RHOBTB2: variants seen among roughly 807,000 people sequenced by gnomAD.
RHOBTB2 encodes Rho related BTB domain containing 2.
A neutral mutation model predicts 66.5 loss-of-function variants in RHOBTB2; 39 were observed. The ratio of observed to expected loss-of-function variants is 0.59; its 90% CI spans 0.45 to 0.77. The LOEUF is 0.77. Among genes scored for constraint, RHOBTB2 ranks in the 30% least tolerant of loss-of-function variants. RHOBTB2 has a pLI of 0.00. For synonymous variants in RHOBTB2, 390 were observed against 395.0 expected, an observed-to-expected ratio of 0.99 and a Z score of 0.15; for missense variants, 755 against 999.1, an observed-to-expected ratio of 0.76 and a Z score of 3.29.
intron 6 of RHOBTB2, 127 bp from the exon 7 acceptor site, chr8:23,010,411 C>G (rs78939013): frequency 1.9e-6 from 2 of 1,064,922 alleles, no homozygotes; most frequent in Admixed American, 4.8e-5. Flanking sequence ...ACACATGCAG[C>G]ACAGGGAAGG....
At chr8:22,988,159 T>A (rs1271322092) in intron 1 of RHOBTB2, among the ~76,000 whole-genome samples, 4 of 141,322 alleles carry the variant, frequency 2.8e-5, no homozygotes, top group Non-Finnish European at 4.6e-5. Flanking sequence ...TCCCCTTTTT[T>A]TTTTTTTTTT....
chr8:23,010,512 T>C (rs1212044651), intron 6 of RHOBTB2, 26 bp from the exon 7 acceptor site: 2 of 1,604,126 alleles, frequency 1.2e-6, no homozygotes, highest in Middle Eastern at 1.7e-4. Context: ...ATCTCATTGC[T>C]GTCCGCTCAC....
chr8:23,015,708 G>C lies in RHOBTB2; in HGVS notation c.1931G>C (p.Arg644Pro). Residue 644 changes from arginine to proline, a missense_variant, in exon 9 of 10, where the codon CGC (arginine) becomes CCC (proline). This residue lies in a region of RHOBTB2 where 353 missense variants were observed against 458.2 expected (regional missense o/e 0.77). Transcript: ENST00000251822. The part of the protein sequence containing the change: ...HICTNYNNVC[R>P]KFPRDMKAMS... ...TGCACCAACTACAACAACGTGTGCCGCAAGTTCCCCCGAGACATGAAGGCC... is the reference window on the plus strand; with the variant it reads ...TGCACCAACTACAACAACGTGTGCCCCAAGTTCCCCCGAGACATGAAGGCC... 6.2e-7 allele frequency: 1 copy of C among 1,613,756 alleles called. No individual in the cohort carries two copies. The highest frequency in any genetic ancestry group is 8.5e-7 in the Non-Finnish European group (1 of 1,179,754).
chr8:23,007,390 G>A lies in RHOBTB2; in HGVS notation c.1145G>A (p.Arg382Lys), dbSNP rs1811001413. Residue 382 changes from arginine (R) to lysine (K), a missense_variant, in exon 5 of 10, where the codon AGG becomes AAG. Transcript: ENST00000251822. ...AACGGAACAGGGTACCTACCGGGCA[G>A]GGGTCGTGTGCTGTCTTCCTGGAGC... ...RGNGTGYLPG[R>K]GRVLSSWSRA... 1 of 1,614,042 alleles carries A rather than the reference G, an allele frequency of 6.2e-7. No homozygotes were observed. Among genetic ancestry groups the A allele is most frequent in the Non-Finnish European group, 8.5e-7 (1 of 1,180,022 alleles).
In RHOBTB2 at chr8:23,006,457, C is replaced by T. The variant is rs1810952948; in HGVS notation, c.483-271C>T. On this transcript the variant is annotated intron_variant, in intron 4 of 9. Transcript: ENST00000251822. The surrounding 1 kb of genome is among the most constrained non-coding windows in gnomAD (Gnocchi z 6.1). The stretch of plus-strand genomic sequence containing the variant: ...GAGCATGTTAAATACCCATGTGAAG[C>T]ATTGCCTGCTAATTGCCAGAGAGGC... 5.3e-6 allele frequency: 3 copies of T among 565,552 alleles called. No homozygotes were observed. The highest frequency in any genetic ancestry group is 3.2e-5 in the Admixed American group (1 of 31,390). 35.0% of individuals were successfully genotyped at this position (565,552 alleles called of 1,614,324 possible). A position where few individuals can be genotyped will look rare whatever the true frequency, so the allele number is the denominator to read the frequency against.
chr8:22,981,502 C>G, the RHOBTB2 span, among the ~76,000 whole-genome samples: 7 of 152,162 alleles, frequency 4.6e-5, no homozygotes, highest in Admixed American at 4.6e-4. Flanking sequence ...TGTAAGTAGG[C>G]TGGTTTTGAG....
chr8:22,951,333 C>A, the RHOBTB2 span, among the ~76,000 whole-genome samples: 2 of 147,598 alleles, frequency 1.4e-5, no homozygotes, highest in South Asian at 4.3e-4. Flanking sequence ...CTCACTGCAA[C>A]CTTCTTCTCC....
At chr8:23,001,246 G>A (rs1810769952) in intron 1 of RHOBTB2, among the ~76,000 whole-genome samples, 2 of 152,122 alleles carry the variant, frequency 1.3e-5, no homozygotes, top group Non-Finnish European at 2.9e-5. Flanking sequence ...ATAGTTTATG[G>A]AGGTTGATTG....
Position 23,018,185 on chromosome 8 carries a change from A to T in RHOBTB2, c.*716A>T, listed in dbSNP as rs1185702987. ...TGGTGCAACAAGAAACTTCTCCCTC[A>T]CCCCCTCCTTTACCCTCAGATTTGG... On this transcript the variant is annotated 3_prime_UTR_variant, in exon 10 of 10. Transcript: ENST00000251822. 6.6e-6 allele frequency: 1 copy of T among 151,928 alleles called. No individual in the cohort carries two copies. Among genetic ancestry groups the T allele is most frequent in the African/African-American group, 2.4e-5 (1 of 41,246 alleles). 9.4% of individuals were successfully genotyped at this position (151,928 alleles called of 1,614,324 possible). A position where few individuals can be genotyped will look rare whatever the true frequency, so the allele number is the denominator to read the frequency against.
At chr8:23,015,223 G>A (rs1010048109) in intron 8 of RHOBTB2, among the ~76,000 whole-genome samples, 4 of 152,208 alleles carry the variant, frequency 2.6e-5, no homozygotes, top group African/African-American at 9.7e-5. Context: ...CACGGCTCAG[G>A]CAGGGCTTGC....
chr8:22,956,028 G>T, the RHOBTB2 span, among the ~76,000 whole-genome samples: 1 of 152,288 alleles, frequency 6.6e-6, no homozygotes, highest in Non-Finnish European at 1.5e-5. Flanking sequence ...GCTCACCTTT[G>T]GTTTGCCCCT....
upstream of RHOBTB2, among the ~76,000 whole-genome samples, chr8:22,994,924 C>A (rs1369032238): frequency 4.6e-5 from 7 of 152,248 alleles, no homozygotes; most frequent in African/African-American, 1.7e-4. Flanking sequence ...TGCCACCACG[C>A]CCAGCTAATT....
chr8:22,974,698 C>A, the RHOBTB2 span, among the ~76,000 whole-genome samples: 1 of 152,106 alleles, frequency 6.6e-6, no homozygotes, highest in Non-Finnish European at 1.5e-5. Flanking sequence ...CCATCAAGCC[C>A]CTCCACTGGG....
the RHOBTB2 span, among the ~76,000 whole-genome samples, chr8:22,956,904 C>T: frequency 6.6e-6 from 1 of 152,178 alleles, no homozygotes; most frequent in Non-Finnish European, 1.5e-5. Flanking sequence ...AGGTGATCCA[C>T]CCGCCTCGGC....
At chr8:23,015,098 C>A (rs1051630436) in intron 8 of RHOBTB2, among the ~76,000 whole-genome samples, 46 of 152,170 alleles carry the variant, frequency 3.0e-4, no homozygotes, top group African/African-American at 1.1e-3. Flanking sequence ...TGAGGACTTT[C>A]CATCTGAAAT....
Position 23,006,008 on chromosome 8 carries a change from C to T in RHOBTB2, c.345C>T (p.Leu115=), listed in dbSNP as rs1165413903. The change falls in exon 4 of 10, where the codon CTC becomes CTT. Residue 115 remains leucine (L), a synonymous_variant. Coordinates refer to ENST00000251822, the MANE Select transcript of RHOBTB2 (RefSeq NM_015178.3). The surrounding 1 kb of genome is among the most constrained non-coding windows in gnomAD (Gnocchi z 6.1). ...TCTCCATTGCCAACCCCAATTCCCT[C>T]CACCATGTCAAGACCATGTGGTACC... ...LCFSIANPNS[L]HHVKTMWYPE... is the part of the protein sequence containing the mutation. 6.2e-7 allele frequency: 1 copy of T among 1,613,992 alleles called. No individual in the cohort carries two copies. Among genetic ancestry groups the T allele is most frequent in the Admixed American group, 1.7e-5 (1 of 59,998 alleles).
chr8:23,011,082 C>T (rs1006300900), intron 7 of RHOBTB2, among the ~76,000 whole-genome samples: 2 of 152,108 alleles, frequency 1.3e-5, no homozygotes, highest in African/African-American at 4.8e-5. Context: ...CCATGAAACC[C>T]GTCTCTACTA....
At chr8:22,972,992 A>T in the RHOBTB2 span, among the ~76,000 whole-genome samples, 6 of 152,146 alleles carry the variant, frequency 3.9e-5, no homozygotes, top group Non-Finnish European at 5.9e-5. Flanking sequence ...GCACAGGCAT[A>T]GCCTCCCTTG....
chr8:22,996,207 G>C (rs1247008728), upstream of RHOBTB2, among the ~76,000 whole-genome samples: 1 of 152,216 alleles, frequency 6.6e-6, no homozygotes, highest in African/African-American at 2.4e-5. Flanking sequence ...CTGGGGACAG[G>C]TTCCAGGGGT....
Sources: allele counts gnomAD v4.1 joint callset (sites outside exome capture counted in the v4.1 genomes callset), GRCh38; gene constraint gnomAD v4.1.1; regional missense constraint gnomAD v4.1.1; non-coding constraint Gnocchi (gnomAD v3.1); transcripts MANE v1.5; gene names NCBI Gene and HGNC (gene_info 2026-07-23, HGNC 2026-07-21).